The following HCRTR2 variants were observed in gnomAD, a reference collection of about 807,000 sequenced individuals.
HCRTR2 encodes orexin receptor type 2.
In HCRTR2, 22 loss-of-function variants were observed where a neutral mutation model predicts 49.0. The ratio of observed to expected loss-of-function variants is 0.45; its 90% CI spans 0.32 to 0.64. HCRTR2 has a LOEUF of 0.64. Ranked by LOEUF, HCRTR2 falls within the 30% of genes least tolerant of loss-of-function variation. The probability of loss-of-function intolerance (pLI) is 0.04; values close to 1 mark genes in which losing one functional copy is unlikely to be tolerated. For missense variants in HCRTR2, 491 were observed against 559.4 expected (o/e 0.88, Z 1.23); for synonymous variants, 236 against 205.3 (o/e 1.15, Z -1.28).
At chr6:55,248,130 C>T (rs79193290) in intron 1 of HCRTR2, among the ~76,000 whole-genome samples, 5 of 152,150 alleles carry the variant, frequency 3.3e-5, no homozygotes, top group South Asian at 2.1e-4. Context: ...CCATCTAGCT[C>T]GGTATTTGGC....
At chr6:55,139,859 ACC>A (rs1764483015) in intron 1 of HCRTR2, among the ~76,000 whole-genome samples, 1 of 152,216 alleles carries the variant, frequency 6.6e-6, no homozygotes, top group South Asian at 2.1e-4. Flanking sequence ...TCAGAAGATG[ACC>A]ATTTGAGATT....
At chr6:55,209,681 C>T (rs1191203764) in intron 1 of HCRTR2, among the ~76,000 whole-genome samples, 1 of 152,120 alleles carries the variant, frequency 6.6e-6, no homozygotes, top group Non-Finnish European at 1.5e-5. Context: ...TGATGAAGTT[C>T]CTTACTCTCT....
chr6:55,239,890 G>A (rs1440782528), intron 1 of HCRTR2, among the ~76,000 whole-genome samples: 1 of 147,846 alleles, frequency 6.8e-6, no homozygotes, highest in Non-Finnish European at 1.5e-5. Flanking sequence ...CGATTCTCCC[G>A]CCTTAGCCTC....
chr6:55,240,965 TTC>T (rs1766318304), intron 1 of HCRTR2, among the ~76,000 whole-genome samples: 1 of 151,924 alleles, frequency 6.6e-6, no homozygotes, highest in Admixed American at 6.5e-5. Flanking sequence ...TTGTTTTCTT[TTC>T]TTTTTTTATT....
chr6:55,142,363 A>AT (rs60317937), intron 1 of HCRTR2, among the ~76,000 whole-genome samples: 12 of 127,654 alleles, frequency 9.4e-5, no homozygotes, highest in Middle Eastern at 3.9e-3. Flanking sequence ...CGCCCTGTTA[A>AT]TTTTTTTTTT....
At chr6:55,220,815 A>C (rs559133689) in intron 1 of HCRTR2, among the ~76,000 whole-genome samples, 1 of 152,320 alleles carries the variant, frequency 6.6e-6, no homozygotes, top group Admixed American at 6.5e-5. Context: ...AATTCTAAAA[A>C]TCACACAAGG....
chr6:55,110,910 T>G (rs1033849605), intron 1 of HCRTR2, among the ~76,000 whole-genome samples: 4 of 152,058 alleles, frequency 2.6e-5, no homozygotes, highest in African/African-American at 9.7e-5. Flanking sequence ...CACTGACAAC[T>G]GCAGAATATA....
upstream of HCRTR2, among the ~76,000 whole-genome samples, chr6:55,169,598 T>C (rs1201778973): frequency 6.6e-6 from 1 of 152,146 alleles, no homozygotes. Flanking sequence ...TATTGTTTTT[T>C]AAATGTAGTA....
chr6:55,190,194 G>T (rs1191133336), intron 1 of HCRTR2, among the ~76,000 whole-genome samples: 1 of 152,222 alleles, frequency 6.6e-6, no homozygotes, highest in African/African-American at 2.4e-5. Flanking sequence ...AATATTTATT[G>T]TGTGCCTATT....
chr6:55,263,818 G>A lies in HCRTR2; in HGVS notation c.758G>A (p.Arg253Gln), dbSNP rs199706844. The A allele has an allele frequency of 4.4e-6, 7 of 1,576,446 alleles. No homozygotes were observed. The South Asian group carries it at 5.5e-5, about 12-fold the overall frequency. Residue 253 changes from arginine (R) to glutamine (Q), a missense_variant, in exon 4 of 7, where the codon CGA (arginine) becomes CAA (glutamine). By Grantham distance (43) the Arg-to-Gln change is conservative. Transcript: ENST00000370862. ...CAAATATTTCGCAAACTCTGGTGTC[G>A]ACAGGTATATAGTTTCAAATATTTT... ...YLQIFRKLWC[R>Q]QIPGTSSVVQ...
At chr6:55,273,214 T>A (rs1196864911) in intron 4 of HCRTR2, among the ~76,000 whole-genome samples, 6 of 151,830 alleles carry the variant, frequency 4.0e-5, no homozygotes, top group African/African-American at 1.5e-4. Context: ...GCAAGGAAAA[T>A]TTTCATGGTC....
intron 3 of HCRTR2, among the ~76,000 whole-genome samples, chr6:55,260,943 T>A (rs903819197): frequency 6.6e-6 from 1 of 152,114 alleles, no homozygotes; most frequent in South Asian, 2.1e-4. Context: ...ATGAAAAGAA[T>A]AAAATACATA....
At chr6:55,122,753 G>A (rs976887165) in intron 1 of HCRTR2, among the ~76,000 whole-genome samples, 10 of 152,002 alleles carry the variant, frequency 6.6e-5, no homozygotes, top group African/African-American at 2.4e-4. Flanking sequence ...TTAAGAAAAT[G>A]TGACACATGT....
downstream of HCRTR2, among the ~76,000 whole-genome samples, chr6:55,283,954 G>A (rs1337567664): frequency 6.6e-6 from 1 of 152,058 alleles, no homozygotes; most frequent in Admixed American, 6.6e-5. Flanking sequence ...AGATCATATT[G>A]TAAAATATCA....
intron 1 of HCRTR2, among the ~76,000 whole-genome samples, chr6:55,181,422 A>G (rs1486851977): frequency 2.0e-5 from 3 of 152,222 alleles, no homozygotes; most frequent in Non-Finnish European, 4.4e-5. Context: ...TCATAAACAA[A>G]AAACAAATTG....
chr6:55,218,324 A>C (rs941833118), intron 1 of HCRTR2, among the ~76,000 whole-genome samples: 1 of 152,234 alleles, frequency 6.6e-6, no homozygotes, highest in African/African-American at 2.4e-5. Flanking sequence ...TGAAACACAA[A>C]GGAGTACAGT....
rs559001434 is a variant in HCRTR2 at position 55,162,695 on chromosome 6, T to C, written c.-377-11516T>C. Among the ~76,000 whole-genome samples, 11 of 152,166 alleles carry C rather than the reference T, an allele frequency of 7.2e-5. No homozygotes were observed. The East Asian group carries it at 1.9e-3, about 27-fold the overall frequency. On this transcript the variant is annotated intron_variant, in intron 1 of 7. Transcript: ENST00000615358. The stretch of plus-strand genomic sequence containing the variant: ...CACAAGCATTTCTATACACTAATAA[T>C]AGACAAACAGAGAGCCAAATCATGA...
chr6:55,118,771 T>C (rs1561976772), intron 1 of HCRTR2, among the ~76,000 whole-genome samples: 2 of 125,598 alleles, frequency 1.6e-5, no homozygotes, highest in Non-Finnish European at 3.2e-5. Flanking sequence ...GTAAATTTTC[T>C]TATTTATTTA....
In HCRTR2 at chr6:55,250,223, C is replaced by T. The variant is rs926186352; in HGVS notation, c.402+1406C>T. On this transcript the variant is annotated intron_variant, in intron 2 of 6. Coordinates refer to ENST00000370862, the MANE Select transcript of HCRTR2 (RefSeq NM_001384272.1). ...TGAAAATCATGAATGGATTACAAAA[C>T]GAACAGTAGCACATTTTTTTGTGTG... 2.5e-4 allele frequency among the ~76,000 whole-genome samples: 38 copies of T among 152,052 alleles called. 1 individual carries two copies. The highest frequency in any genetic ancestry group is 4.1e-4 in the Non-Finnish European group (28 of 67,980).
Sources: gnomAD v4.1 joint callset for allele counts (sites outside exome capture counted in the v4.1 genomes callset) on GRCh38, gnomAD v4.1.1 for gene constraint, MANE v1.5 for transcripts, NCBI Gene and HGNC (gene_info 2026-07-23, HGNC 2026-07-21) for gene names.